MAGI2: variants seen among roughly 807,000 people sequenced by gnomAD.
MAGI2 encodes the protein membrane associated guanylate kinase, WW and PDZ domain containing 2, also known as membrane-associated guanylate kinase, WW and PDZ domain-containing protein 2.
In MAGI2, 35 loss-of-function variants were observed where a neutral mutation model predicts 133.3. The ratio of observed to expected loss-of-function variants is 0.26; its 90% CI spans 0.20 to 0.35. The LOEUF (loss-of-function observed/expected upper bound fraction) is 0.35. Among genes scored for constraint, MAGI2 ranks in the 10% least tolerant of loss-of-function variants. The probability of loss-of-function intolerance (pLI) is 1.00; values close to 1 mark genes in which losing one functional copy is unlikely to be tolerated. For missense variants in MAGI2, 1,636 were observed against 1,863.4 expected (o/e 0.88, Z 2.25); for synonymous variants, 729 against 710.6 (o/e 1.03, Z -0.41).
intron 2 of MAGI2, among the ~76,000 whole-genome samples, chr7:78,804,748 C>CAAAAAAAAAAAAAA (rs373472835): frequency 1.5e-4 from 15 of 97,736 alleles, no homozygotes; most frequent in African/African-American, 7.1e-4. Context: ...GACTCTGTCT[C>CAAAAAAAAAAAAAA]AAAAAAAAAA....
At chr7:79,428,047 T>TG (rs1195600352) in intron 1 of MAGI2, among the ~76,000 whole-genome samples, 1 of 152,106 alleles carries the variant, frequency 6.6e-6, no homozygotes, top group Non-Finnish European at 1.5e-5. Context: ...TAGAAAACTA[T>TG]GGGGTCCCTA....
intron 2 of MAGI2, among the ~76,000 whole-genome samples, chr7:78,857,276 C>T (rs1489066679): frequency 6.6e-6 from 1 of 152,128 alleles, no homozygotes; most frequent in African/African-American, 2.4e-5. Context: ...CTGGCCATAA[C>T]TTCCAACACT....
At chr7:79,425,414 C>G (rs183085951) in intron 1 of MAGI2, among the ~76,000 whole-genome samples, 2 of 151,918 alleles carry the variant, frequency 1.3e-5, no homozygotes, top group Admixed American at 6.6e-5. Context: ...GTTGAACTAC[C>G]ACACCAGTCC....
At chr7:78,266,911 C>A (rs1403413579) in intron 9 of MAGI2, among the ~76,000 whole-genome samples, 1 of 152,172 alleles carries the variant, frequency 6.6e-6, no homozygotes, top group Non-Finnish European at 1.5e-5. Flanking sequence ...AGACAACCTT[C>A]TGAGAAGTTG....
At chr7:78,656,962 A>C (rs1043055188) in intron 2 of MAGI2, among the ~76,000 whole-genome samples, 2 of 151,622 alleles carry the variant, frequency 1.3e-5, no homozygotes, top group African/African-American at 2.4e-5. Flanking sequence ...CTTAAAACTC[A>C]ACAATAAGAA....
At chr7:79,380,745 G>A (rs555900615) in intron 1 of MAGI2, among the ~76,000 whole-genome samples, 2 of 151,732 alleles carry the variant, frequency 1.3e-5, no homozygotes, top group African/African-American at 2.4e-5. Context: ...CAGTAAAGGT[G>A]TACACAGGAA....
chr7:78,206,481 T>C (rs12705326), intron 10 of MAGI2, among the ~76,000 whole-genome samples: 147,271 of 151,986 alleles, frequency 0.97, 71,530 homozygotes, highest in East Asian at 1. Context: ...TTAGTAGAGA[T>C]GGGGTTTCAC....
intron 1 of MAGI2, among the ~76,000 whole-genome samples, chr7:79,247,004 T>G (rs1364829922): frequency 6.6e-6 from 1 of 152,158 alleles, no homozygotes; most frequent in African/African-American, 2.4e-5. Context: ...CATGACATAT[T>G]AAAAGTACTG....
intron 6 of MAGI2, among the ~76,000 whole-genome samples, chr7:78,423,365 A>G (rs1798975395): frequency 6.6e-6 from 1 of 152,188 alleles, no homozygotes; most frequent in South Asian, 2.1e-4. Flanking sequence ...AGCCATGTGG[A>G]ACTGTAAGTC....
At chr7:78,665,196 G>A (rs374200208) in intron 2 of MAGI2, among the ~76,000 whole-genome samples, 4 of 152,024 alleles carry the variant, frequency 2.6e-5, no homozygotes, top group East Asian at 3.9e-4. Flanking sequence ...ACGATTATAA[G>A]TAGTTTTAAG....
chr7:78,123,429 A>C (rs1022826707), intron 20 of MAGI2, among the ~76,000 whole-genome samples: 2 of 152,316 alleles, frequency 1.3e-5, no homozygotes, highest in South Asian at 4.1e-4. Flanking sequence ...TAGACACAGC[A>C]AGGGATCAAA....
chr7:78,469,418 A>G (rs1403117298), intron 6 of MAGI2, among the ~76,000 whole-genome samples: 1 of 152,182 alleles, frequency 6.6e-6, no homozygotes, highest in African/African-American at 2.4e-5. Context: ...ACCTCCACTT[A>G]ACATCATGTT....
At chr7:78,353,125 A>T (rs1002175524) in intron 7 of MAGI2, among the ~76,000 whole-genome samples, 4 of 152,210 alleles carry the variant, frequency 2.6e-5, no homozygotes, top group Non-Finnish European at 5.9e-5. Context: ...AGGTATTTCT[A>T]ACCTTTTGCT....
In MAGI2 at chr7:78,019,477, G is replaced by A; in HGVS notation, c.4206C>T (p.Ala1402=). 19 of 979,900 alleles carry A rather than the reference G, an allele frequency of 1.9e-5. No individual in the cohort carries two copies. Among genetic ancestry groups the A allele is most frequent in the Non-Finnish European group, 2.3e-5 (19 of 827,976 alleles). 60.7% of individuals were successfully genotyped at this position (979,900 alleles called of 1,614,324 possible). The change falls in exon 22 of 22, where the codon GCC becomes GCT. Residue 1402 remains alanine (A), a synonymous_variant. Coordinates refer to ENST00000354212, the MANE Select transcript of MAGI2 (RefSeq NM_012301.4). ...PGGGGSGALE[A]EGRAGARAGP... ...CCGCGCGCGCACCCGCCCTGCCCTC[G>A]GCCTCCAGCGCGCCGCTGCCGCCGC...
intron 4 of MAGI2, among the ~76,000 whole-genome samples, chr7:78,511,633 G>T (rs1795592171): frequency 6.8e-6 from 1 of 147,472 alleles, no homozygotes; most frequent in African/African-American, 2.5e-5. Flanking sequence ...ACAGTGCAAA[G>T]CAAGCTTTAA....
chr7:78,101,467 A>T (rs1818203615), intron 20 of MAGI2, among the ~76,000 whole-genome samples: 1 of 152,212 alleles, frequency 6.6e-6, no homozygotes, highest in African/African-American at 2.4e-5. Context: ...TTGTCTCTTC[A>T]ATAAGTGGAG....
chr7:78,226,941 C>CA (rs1214371127), intron 10 of MAGI2, among the ~76,000 whole-genome samples: 1 of 152,098 alleles, frequency 6.6e-6, no homozygotes, highest in Non-Finnish European at 1.5e-5. Context: ...AGGGTTGGGA[C>CA]ATGCATGATT....
intron 2 of MAGI2, among the ~76,000 whole-genome samples, chr7:78,700,753 A>G (rs932238752): frequency 6.6e-6 from 1 of 151,924 alleles, no homozygotes; most frequent in African/African-American, 2.4e-5. Flanking sequence ...AATTTACCCT[A>G]AAGTCATATC....
intron 6 of MAGI2, among the ~76,000 whole-genome samples, chr7:78,467,596 AAG>A (rs1178651435): frequency 6.6e-6 from 1 of 151,764 alleles, no homozygotes; most frequent in Non-Finnish European, 1.5e-5. Context: ...ATAGATAAGA[AAG>A]AGTTGAATTT....
Sources: gnomAD v4.1 joint callset for allele counts (sites outside exome capture counted in the v4.1 genomes callset) on GRCh38, gnomAD v4.1.1 for gene constraint, MANE v1.5 for transcripts, NCBI Gene and HGNC (gene_info 2026-07-23, HGNC 2026-07-21) for gene names.